Variants in OTOF observed in about 807,000 individuals in gnomAD.
The protein encoded by OTOF is fer-1-like family member 2.
In OTOF, 218 loss-of-function variants were observed where a neutral mutation model predicts 236.8. That is an observed-to-expected ratio of 0.92 (90% CI 0.82 to 1.03). OTOF has a LOEUF of 1.03. Among genes scored for constraint, OTOF ranks in the 50% least tolerant of loss-of-function variants. OTOF has a pLI of 0.00. For missense variants in OTOF, 2,590 were observed against 2,694.4 expected, an observed-to-expected ratio of 0.96 and a Z score of 0.86; for synonymous variants, 1,041 against 1,072.5, an observed-to-expected ratio of 0.97 and a Z score of 0.57.
At chr2:26,492,231 A>C (rs912717496) in intron 9 of OTOF, among the ~76,000 whole-genome samples, 5 of 152,138 alleles carry the variant, frequency 3.3e-5, no homozygotes, top group African/African-American at 1.2e-4. Flanking sequence ...TGGTAGCTGT[A>C]ACTAAGGGGA....
At position 26,462,222 on chromosome 2, in the gene OTOF, G is replaced by T; in HGVS notation, c.5193-41C>A. The T allele has an allele frequency of 6.4e-7, 1 of 1,566,656 alleles. No homozygotes were observed. Among genetic ancestry groups the T allele is most frequent in the Non-Finnish European group, 8.8e-7 (1 of 1,137,278 alleles). Reference sequence around the variant, plus strand: ...GAAGGCTGGTTAGCAGCCCCAGGTGGGGGTTATGCCAGGGTGCCAGGGCTG... The same window carrying T: ...GAAGGCTGGTTAGCAGCCCCAGGTGTGGGTTATGCCAGGGTGCCAGGGCTG... On this transcript the variant is annotated intron_variant, in intron 41 of 46. Coordinates refer to ENST00000272371, the MANE Select transcript of OTOF (RefSeq NM_194248.3). The surrounding 1 kb of genome is among the most constrained non-coding windows in gnomAD (Gnocchi z 4.7).
Position 26,460,016 on chromosome 2 carries a change from C to G in OTOF, c.*9G>C. 1.9e-6 allele frequency: 3 copies of G among 1,563,242 alleles called. No individual in the cohort carries two copies. The highest frequency in any genetic ancestry group is 2.6e-6 in the Non-Finnish European group (3 of 1,153,822). ...AGTAAGAAATATCAGACCCAGGAGG[C>G]CACTGGGCTCAGGCCCCGAGGATTT... On this transcript the variant is annotated 3_prime_UTR_variant, in exon 46 of 47. Transcript: ENST00000272371. The surrounding 1 kb of genome is among the most constrained non-coding windows in gnomAD (Gnocchi z 5.3).
intron 32 of OTOF, among the ~76,000 whole-genome samples, chr2:26,468,780 T>C (rs1230856582): frequency 6.6e-6 from 1 of 152,204 alleles, no homozygotes; most frequent in Non-Finnish European, 1.5e-5. Flanking sequence ...GAAACCATCA[T>C]TCTGAAGAAA....
Position 26,537,697 on chromosome 2 carries a change from G to C in OTOF, c.138+19C>G. The C allele has an allele frequency of 6.5e-7, 1 of 1,544,646 alleles. No homozygotes were observed. The highest frequency in any genetic ancestry group is 2.4e-5 in the East Asian group (1 of 40,930). On this transcript the variant is annotated intron_variant, in intron 2 of 46. Transcript: ENST00000272371. The stretch of plus-strand genomic sequence containing the variant: ...TCTGGGCTCAGGGCTGAGGGAGGGG[G>C]GAGTCTTGGGCCTCCTACCTCATCA...
chr2:26,471,031 T>A (rs2148036435), intron 31 of OTOF, 90 bp downstream of exon 31: 1 of 1,514,172 alleles, frequency 6.6e-7, no homozygotes, highest in African/African-American at 1.4e-5. Flanking sequence ...TGGGGCTGGC[T>A]CTGTCCCTGA....
intron 3 of OTOF, among the ~76,000 whole-genome samples, chr2:26,521,752 G>A (rs1666681775): frequency 6.6e-6 from 1 of 152,162 alleles, no homozygotes; most frequent in Non-Finnish European, 1.5e-5. Flanking sequence ...TAGACAGTGA[G>A]GAGCCTGGGC....
chr2:26,461,576 T>G lies in OTOF; in HGVS notation c.5533+120A>C, dbSNP rs1664463209. The stretch of plus-strand genomic sequence containing the variant: ...CCCCGTCGGACACCCCTGGCTCTGA[T>G]GGACTGGAAGCAATGACCCCTTGTC... On this transcript the variant is annotated intron_variant, in intron 43 of 46. Transcript: ENST00000272371. This position sits in a 1 kb window ranked among gnomAD's most constrained non-coding sequence, Gnocchi z 6.2. The G allele has an allele frequency of 2.1e-6, 3 of 1,397,904 alleles. No homozygotes were observed. The African/African-American group carries it at 4.2e-5, about 20-fold the overall frequency. 86.6% of individuals were successfully genotyped at this position (1,397,904 alleles called of 1,614,324 possible). A position where few individuals can be genotyped will look rare whatever the true frequency, so the allele number is the denominator to read the frequency against.
chr2:26,552,908 G>T (rs1667498280), intron 1 of OTOF, among the ~76,000 whole-genome samples: 1 of 152,224 alleles, frequency 6.6e-6, no homozygotes, highest in Non-Finnish European at 1.5e-5. Context: ...TCCAAGAGAG[G>T]GGGTGCTAGG....
chr2:26,546,178 T>C (rs1365162629), intron 1 of OTOF, among the ~76,000 whole-genome samples: 3 of 152,150 alleles, frequency 2.0e-5, no homozygotes, highest in Non-Finnish European at 4.4e-5. Flanking sequence ...AGAGAAACCA[T>C]GGCCAGGCGA....
intron 5 of OTOF, 86 bp downstream of exon 5, chr2:26,516,332 A>T: frequency 7.9e-7 from 1 of 1,258,268 alleles, no homozygotes; most frequent in Non-Finnish European, 1.1e-6. Context: ...AGCTAGGCCT[A>T]GAGAGGCCTG....
At chr2:26,549,315 T>A (rs566571860) in intron 1 of OTOF, among the ~76,000 whole-genome samples, 1 of 151,776 alleles carries the variant, frequency 6.6e-6, no homozygotes, top group Non-Finnish European at 1.5e-5. Context: ...GTAATAACAA[T>A]TTTTTTCCCC....
At chr2:26,472,189 T>C (rs892375449) in intron 30 of OTOF, 2 of 397,364 alleles carry the variant, frequency 5.0e-6, no homozygotes, top group Non-Finnish European at 9.6e-6. Context: ...ACCACATGCA[T>C]ACATGCACGA....
intron 8 of OTOF, among the ~76,000 whole-genome samples, chr2:26,496,057 T>C (rs534133528): frequency 6.6e-6 from 1 of 152,202 alleles, no homozygotes; most frequent in Non-Finnish European, 1.5e-5. Flanking sequence ...TTGTATGTTG[T>C]GTGCACTCTG....
In OTOF at chr2:26,550,824, T is replaced by C. The variant is rs569108611; in HGVS notation, c.79+7669A>G. 7.2e-5 allele frequency among the ~76,000 whole-genome samples: 11 copies of C among 152,194 alleles called. No homozygotes were observed. The South Asian group carries it at 2.3e-3, about 32-fold the overall frequency. The stretch of plus-strand genomic sequence containing the variant: ...GAGCCTTCTCTCCAAAACAAGATCT[T>C]AGCATCCCATTCTCCTGCTAAGAGT... On this transcript the variant is annotated intron_variant, in intron 1 of 46. Transcript: ENST00000272371.
intron 1 of OTOF, among the ~76,000 whole-genome samples, chr2:26,539,817 T>G (rs1305420927): frequency 6.6e-6 from 1 of 152,134 alleles, no homozygotes; most frequent in African/African-American, 2.4e-5. Flanking sequence ...CAGCATACTT[T>G]GATGTGAGCC....
At chr2:26,558,392 C>T (rs1330929333) in intron 1 of OTOF, 101 bp downstream of exon 1, 6 of 1,059,598 alleles carry the variant, frequency 5.7e-6, no homozygotes, top group Non-Finnish European at 7.4e-6. Flanking sequence ...AGAACTTTTC[C>T]CACCCATCCT....
chr2:26,541,705 C>CT (rs1406578505), intron 1 of OTOF, among the ~76,000 whole-genome samples: 7 of 152,224 alleles, frequency 4.6e-5, no homozygotes, highest in African/African-American at 1.7e-4. Context: ...CAGCGTCAGT[C>CT]TTGTTGACAT....
chr2:26,484,429 G>C (rs750647448), intron 12 of OTOF, 45 bp downstream of exon 12: 1 of 1,610,290 alleles, frequency 6.2e-7, no homozygotes, highest in Non-Finnish European at 8.5e-7. Flanking sequence ...CTGGGGGAAG[G>C]AAGGGCTGGC....
chr2:26,539,851 C>CAAAAT (rs974191997), intron 1 of OTOF, among the ~76,000 whole-genome samples: 3 of 152,112 alleles, frequency 2.0e-5, no homozygotes, highest in African/African-American at 7.2e-5. Context: ...GAAAGACAAA[C>CAAAAT]AAAACAAAAC....
Sources: allele counts gnomAD v4.1 joint callset (sites outside exome capture counted in the v4.1 genomes callset), GRCh38; gene constraint gnomAD v4.1.1; non-coding constraint Gnocchi (gnomAD v3.1); transcripts MANE v1.5; gene names NCBI Gene and HGNC (gene_info 2026-07-23, HGNC 2026-07-21).